The following ABHD17A variants were observed in gnomAD, a reference collection of about 807,000 sequenced individuals.
ABHD17A encodes abhydrolase domain containing 17A, depalmitoylase, also known as alpha/beta hydrolase domain-containing protein 17A.
ABHD17A carries 10 observed loss-of-function variants against 26.8 expected under a neutral mutation model. The ratio of observed to expected loss-of-function variants is 0.37; its 90% confidence interval spans 0.23 to 0.63. The LOEUF (loss-of-function observed/expected upper bound fraction) is 0.63. Ranked by LOEUF, ABHD17A falls within the 30% of genes least tolerant of loss-of-function variation. The probability of loss-of-function intolerance (pLI) is 0.61; values close to 1 mark genes in which losing one functional copy is unlikely to be tolerated. For missense variants in ABHD17A, 292 were observed against 457.3 expected (o/e 0.64, Z 3.30); for synonymous variants, 167 against 210.9 (o/e 0.79, Z 1.80).
chr19:1,881,839 G>A (rs984839378), intron 1 of ABHD17A, 35 bp from the exon 2 acceptor site: 33 of 415,544 alleles, frequency 7.9e-5, no homozygotes, highest in Non-Finnish European at 1.3e-4. Context: ...GGTCCTTTGG[G>A]GGTGCCACAG....
Position 1,880,976 on chromosome 19 carries a change from T to C in ABHD17A, c.332+259A>G. The C allele has an allele frequency of 6.2e-7, 1 of 1,612,484 alleles. No homozygotes were observed. On this transcript the variant is annotated intron_variant, in intron 2 of 4. Transcript: ENST00000292577. The surrounding 1 kb of genome is among the most constrained non-coding windows in gnomAD (Gnocchi z 4.1). ...TGCCCAGCAGGCAACCACCAGGCGCTGGGTTGTTGGAGTCGCCCAGCCTGC... is the reference window on the plus strand; with the variant it reads ...TGCCCAGCAGGCAACCACCAGGCGCCGGGTTGTTGGAGTCGCCCAGCCTGC...
At chr19:1,878,015 C>A (rs1417879056) in intron 3 of ABHD17A, 2 of 373,172 alleles carry the variant, frequency 5.4e-6, no homozygotes, top group East Asian at 1.2e-4. Context: ...TCCTGGTCAC[C>A]CCTAGGTGCA....
intron 1 of ABHD17A, among the ~76,000 whole-genome samples, chr19:1,884,613 G>C (rs373891128): frequency 6.6e-6 from 1 of 152,206 alleles, no homozygotes; most frequent in African/African-American, 2.4e-5. Context: ...GGGGGGAGGC[G>C]CGGCCATATC....
chr19:1,879,992 G>A lies in ABHD17A; in HGVS notation c.456C>T (p.Ala152=), dbSNP rs1465107861. The A allele has an allele frequency of 6.2e-7, 1 of 1,613,110 alleles. No individual in the cohort carries two copies. The highest frequency in any genetic ancestry group is 1.3e-5 in the African/African-American group (1 of 74,958). ...IFSYDYSGYG[A]SSGRPSERNL... ...TCCTCTCGGAAGGCCTGCCCGAGCT[G>A]GCACCGTAGCCGGAGTAGTCGTAGG... The change falls in exon 3 of 5, where the codon GCC becomes GCT. Residue 152 remains alanine (A), a synonymous_variant. Coordinates refer to ENST00000292577, the MANE Select transcript of ABHD17A (RefSeq NM_001130111.2). This position sits in a 1 kb window ranked among gnomAD's most constrained non-coding sequence, Gnocchi z 7.6.
chr19:1,877,557 C>T lies in ABHD17A; in HGVS notation c.658G>A (p.Val220Ile), dbSNP rs377143982. 68 of 1,595,540 alleles carry T rather than the reference C, an allele frequency of 4.3e-5. No individual in the cohort carries two copies. The African/African-American group carries it at 4.5e-4, about 11-fold the overall frequency. Residue 220 changes from valine to isoleucine, a missense_variant, in exon 4 of 5, where the codon GTC becomes ATC. Physicochemically the swap from Val to Ile is conservative, Grantham distance 29 (BLOSUM62 3). Coordinates refer to ENST00000292577, the MANE Select transcript of ABHD17A (RefSeq NM_001130111.2). The stretch of plus-strand genomic sequence containing the variant: ...GTCTTCTTGGTGTCGGGGAAGGCGA[C>T]GCGCATGCCCGAGGTGAGCGGCGAG... ...LHSPLTSGMR[V>I]AFPDTKKTYC...
chr19:1,879,147 G>A lies in ABHD17A; in HGVS notation c.527+774C>T, dbSNP rs1304627145. The A allele has an allele frequency of 2.0e-5, 3 of 152,254 alleles. No individual in the cohort carries two copies. The highest frequency in any genetic ancestry group is 1.9e-4 in the East Asian group (1 of 5,200). The allele number at this position is 152,254 out of a possible 1,614,324, so 9.4% of individuals were successfully genotyped here. A position where few individuals can be genotyped will look rare whatever the true frequency, so the allele number is the denominator to read the frequency against. On this transcript the variant is annotated intron_variant, in intron 3 of 4. Transcript: ENST00000292577. The surrounding 1 kb of genome is among the most constrained non-coding windows in gnomAD (Gnocchi z 7.6). ...GCCTGCATATCACCAAGGCAACGAC[G>A]ACCCCACCTCCCTAGGGCCTCTGAC...
intron 1 of ABHD17A, 45 bp from the exon 2 acceptor site, chr19:1,881,849 G>A: frequency 7.9e-6 from 3 of 380,378 alleles, no homozygotes; most frequent in Non-Finnish European, 1.4e-5. Flanking sequence ...GGGTGCCACA[G>A]TCCAGCTGGG....
intron 4 of ABHD17A, 22 bp from the exon 5 acceptor site, chr19:1,877,447 G>T: frequency 5.1e-6 from 8 of 1,565,898 alleles, no homozygotes; most frequent in Non-Finnish European, 6.9e-6. Flanking sequence ...TCGTGGAGCC[G>T]GTGAGACTTC....
Position 1,880,248 on chromosome 19 carries a change from G to C in ABHD17A, c.333-133C>G. 1 of 896,812 alleles carries C rather than the reference G, an allele frequency of 1.1e-6. No homozygotes were observed. The highest frequency in any genetic ancestry group is 1.7e-5 in the South Asian group (1 of 60,228). The allele number at this position is 896,812 out of a possible 1,614,324, so 55.6% of individuals were successfully genotyped here. ...CCTCATTTACTCCCCTCCCAAGGGG[G>C]CCAGAAGCCAGTGAATGGAGAGGGG... On this transcript the variant is annotated intron_variant, in intron 2 of 4. Coordinates refer to ENST00000292577, the MANE Select transcript of ABHD17A (RefSeq NM_001130111.2). This position sits in a 1 kb window ranked among gnomAD's most constrained non-coding sequence, Gnocchi z 4.1.
chr19:1,882,593 G>A (rs2012573220), intron 1 of ABHD17A: 2 of 152,184 alleles, frequency 1.3e-5, no homozygotes, highest in African/African-American at 4.8e-5. Flanking sequence ...CACCCCACAG[G>A]AAGTCAAGTG....
intron 4 of ABHD17A, 40 bp downstream of exon 4, chr19:1,877,468 C>T: frequency 1.3e-6 from 2 of 1,574,348 alleles, no homozygotes; most frequent in South Asian, 1.1e-5. Flanking sequence ...GCGCCCGGCC[C>T]GGGCCCCGCC....
rs756020727 is a variant in ABHD17A at position 1,877,308 on chromosome 19, C to T, written c.825G>A (p.Glu275=). 313 of 1,531,364 alleles carry T rather than the reference C, an allele frequency of 2.0e-4. No individual in the cohort carries two copies. Among genetic ancestry groups the T allele is most frequent in the Non-Finnish European group, 2.7e-4 (307 of 1,144,084 alleles). The allele number at this position is 1,531,364 out of a possible 1,614,324, so 94.9% of individuals were successfully genotyped here. ...GCCCGGCGCCCTCCACCCACAGCGG[C>T]TCCACCGCCTTGGGGCAGCGCTCGT... The part of the protein sequence containing the change: ...ALYERCPKAV[E]PLWVEGAGHN... The change falls in exon 5 of 5, where the codon GAG becomes GAA. Residue 275 remains glutamate (E), a synonymous_variant. Transcript: ENST00000292577.
intron 3 of ABHD17A, chr19:1,877,970 G>T: frequency 4.3e-6 from 2 of 461,916 alleles, no homozygotes; most frequent in East Asian, 8.2e-5. Flanking sequence ...GTGCCCCTGG[G>T]GCGGGGGTAA....
rs376020373 is a variant in ABHD17A, at chr19:1,878,117, G to A, written c.528-430C>T. On this transcript the variant is annotated intron_variant, in intron 3 of 4. Transcript: ENST00000292577. The stretch of plus-strand genomic sequence containing the variant: ...TTCCTGGTGCACTGGCCAGGACAGC[G>A]GACACTATTCCTCCCTGCAGCCCTT... 139 of 196,334 alleles carry A rather than the reference G, an allele frequency of 7.1e-4. 1 individual carries two copies. The East Asian group carries it at 0.018, about 25-fold the overall frequency. 12.2% of individuals were successfully genotyped at this position (196,334 alleles called of 1,614,324 possible).
chr19:1,881,724 A>G lies in ABHD17A; in HGVS notation c.-158T>C. Reference sequence around the variant, plus strand: ...CAGACAGCAGCCCCGTTAGGAGGCCAGGGCCCAGCCCCATCGCGGTCCAAG... The same window carrying G: ...CAGACAGCAGCCCCGTTAGGAGGCCGGGGCCCAGCCCCATCGCGGTCCAAG... On this transcript the variant is annotated 5_prime_UTR_variant, in exon 2 of 5. Transcript: ENST00000292577. The G allele has an allele frequency of 9.2e-7, 1 of 1,091,042 alleles. No individual in the cohort carries two copies. 67.6% of individuals were successfully genotyped at this position (1,091,042 alleles called of 1,614,324 possible). A position where few individuals can be genotyped will look rare whatever the true frequency, so the allele number is the denominator to read the frequency against.
In ABHD17A at chr19:1,880,451, G is replaced by A. The variant is rs1379157906; in HGVS notation, c.333-336C>T. 6.6e-6 allele frequency among the ~76,000 whole-genome samples: 1 copy of A among 152,236 alleles called. No homozygotes were observed. The highest frequency in any genetic ancestry group is 1.5e-5 in the Non-Finnish European group (1 of 68,034). On this transcript the variant is annotated intron_variant, in intron 2 of 4. Coordinates refer to ENST00000292577, the MANE Select transcript of ABHD17A (RefSeq NM_001130111.2). This position sits in a 1 kb window ranked among gnomAD's most constrained non-coding sequence, Gnocchi z 4.1. ...TCCTCTCTCAGGGCAGACTCGCAGT[G>A]TGTGCTCAGATACTGCAGGCTTCAC...
At chr19:1,885,119 G>A (rs1041032322) in intron 1 of ABHD17A, among the ~76,000 whole-genome samples, 1 of 152,226 alleles carries the variant, frequency 6.6e-6, no homozygotes, top group Non-Finnish European at 1.5e-5. Flanking sequence ...CGCGTCCGCA[G>A]GAGGGTGGGA....
intron 1 of ABHD17A, among the ~76,000 whole-genome samples, chr19:1,885,088 G>A (rs2012642132): frequency 6.6e-6 from 1 of 152,218 alleles, no homozygotes; most frequent in Non-Finnish European, 1.5e-5. Context: ...GCTCGGACGG[G>A]TGCTCCCCGA....
Position 1,879,982 on chromosome 19 carries a change from T to C in ABHD17A, c.466A>G (p.Arg156Gly). 1 of 1,613,174 alleles carries C rather than the reference T, an allele frequency of 6.2e-7. No homozygotes were observed. Among genetic ancestry groups the C allele is most frequent in the South Asian group, 1.1e-5 (1 of 91,084 alleles). Reference protein sequence around the residue: ...DYSGYGASSGRPSERNLYADI... With the variant: ...DYSGYGASSGGPSERNLYADI... Reference sequence around the variant, plus strand: ...GCATAGAGGTTCCTCTCGGAAGGCCTGCCCGAGCTGGCACCGTAGCCGGAG... The same window carrying C: ...GCATAGAGGTTCCTCTCGGAAGGCCCGCCCGAGCTGGCACCGTAGCCGGAG... The change falls in exon 3 of 5, where the codon AGG becomes GGG. Residue 156 changes from arginine to glycine, a missense_variant. Arg to Gly is a moderately radical substitution (Grantham distance 125). Around this residue, in one of 4 missense-constraint regions of ABHD17A, gnomAD observed 25 missense variants for 40.3 expected, o/e 0.62. Transcript: ENST00000292577. This position sits in a 1 kb window ranked among gnomAD's most constrained non-coding sequence, Gnocchi z 7.6.
Sources: allele counts gnomAD v4.1 joint callset (sites outside exome capture counted in the v4.1 genomes callset), GRCh38; gene constraint gnomAD v4.1.1; regional missense constraint gnomAD v4.1.1; non-coding constraint Gnocchi (gnomAD v3.1); transcripts MANE v1.5; gene names NCBI Gene and HGNC (gene_info 2026-07-23, HGNC 2026-07-21).